TCF7L2: variants seen among roughly 807,000 people sequenced by gnomAD.
The protein encoded by TCF7L2 is transcription factor 7-like 2.
TCF7L2 carries 23 observed loss-of-function variants against 77.9 expected under a neutral mutation model. The observed-to-expected ratio is 0.30, with a 90% CI of 0.21 to 0.42. The LOEUF (loss-of-function observed/expected upper bound fraction) is 0.42. TCF7L2 is among the 10% of genes least tolerant of loss of function. The pLI, the probability that TCF7L2 is intolerant of heterozygous loss-of-function variation, is 1.00. For missense variants in TCF7L2, 654 were observed against 793.1 expected, an observed-to-expected ratio of 0.82 and a Z score of 2.11; for synonymous variants, 413 against 340.2, an observed-to-expected ratio of 1.21 and a Z score of -2.36.
intron 4 of TCF7L2, among the ~76,000 whole-genome samples, chr10:113,032,191 A>G (rs1329468634): frequency 1.3e-5 from 2 of 152,176 alleles, no homozygotes; most frequent in African/African-American, 4.8e-5. Flanking sequence ...TAAGGGGCCC[A>G]TTGGTTGTGA....
intron 4 of TCF7L2, among the ~76,000 whole-genome samples, chr10:113,030,517 G>C (rs990262589): frequency 4.6e-5 from 7 of 152,220 alleles, no homozygotes; most frequent in African/African-American, 1.7e-4. Flanking sequence ...TTTATAAGAA[G>C]CAGTAATTAG....
At chr10:112,955,948 C>T (rs1021083552) in intron 3 of TCF7L2, among the ~76,000 whole-genome samples, 1 of 151,104 alleles carries the variant, frequency 6.6e-6, no homozygotes, top group East Asian at 2.0e-4. Flanking sequence ...TCCTTACATC[C>T]CACGAGGTGC....
At chr10:113,147,230 C>T (rs1034629787) in intron 8 of TCF7L2, among the ~76,000 whole-genome samples, 1 of 152,198 alleles carries the variant, frequency 6.6e-6, no homozygotes, top group Admixed American at 6.5e-5. Flanking sequence ...GCATGCGTTA[C>T]ATGGCAGGGG....
chr10:113,077,858 CTTATTTATTTATTTATTTATTTATTTAT>C (rs35452927), intron 5 of TCF7L2, among the ~76,000 whole-genome samples: 52 of 133,886 alleles, frequency 3.9e-4, no homozygotes, highest in African/African-American at 1.4e-3. Context: ...GCCTGGCTTG[CTTATTTATTTATTTATTTATTTATTTAT>C]TTATTTATTT....
At chr10:113,093,884 A>T (rs2060651668) in intron 5 of TCF7L2, among the ~76,000 whole-genome samples, 1 of 152,206 alleles carries the variant, frequency 6.6e-6, no homozygotes, top group Non-Finnish European at 1.5e-5. Flanking sequence ...TCACGGAAAT[A>T]CTTGCAAACA....
chr10:112,996,241 C>T (rs749037082), intron 4 of TCF7L2, among the ~76,000 whole-genome samples: 38 of 152,054 alleles, frequency 2.5e-4, no homozygotes, highest in Admixed American at 1.1e-3. Context: ...AAATGACTCT[C>T]GGAGGAGGAT....
At chr10:113,131,470 A>G (rs2066592555) in intron 5 of TCF7L2, among the ~76,000 whole-genome samples, 1 of 152,190 alleles carries the variant, frequency 6.6e-6, no homozygotes, top group South Asian at 2.1e-4. Flanking sequence ...GTTACTGCAA[A>G]TATCACACCC....
intron 5 of TCF7L2, among the ~76,000 whole-genome samples, chr10:113,060,553 C>T (rs1482858676): frequency 6.6e-6 from 1 of 152,092 alleles, no homozygotes; most frequent in Non-Finnish European, 1.5e-5. Context: ...TTCAGGCTTT[C>T]TCTCCAAGCG....
chr10:112,963,689 A>G (rs763448130), intron 3 of TCF7L2, among the ~76,000 whole-genome samples: 1 of 152,198 alleles, frequency 6.6e-6, no homozygotes, highest in Non-Finnish European at 1.5e-5. Context: ...CAAGATTAGC[A>G]AGTATTACTT....
At chr10:112,986,526 T>C (rs1321337377) in intron 4 of TCF7L2, among the ~76,000 whole-genome samples, 1 of 152,180 alleles carries the variant, frequency 6.6e-6, no homozygotes, top group Non-Finnish European at 1.5e-5. Context: ...CATTCTCAAG[T>C]GAGTCAATCT....
intron 5 of TCF7L2, among the ~76,000 whole-genome samples, chr10:113,132,643 C>A (rs935801671): frequency 6.6e-6 from 1 of 152,138 alleles, no homozygotes; most frequent in African/African-American, 2.4e-5. Flanking sequence ...ATTTCTGGCT[C>A]GATTTTGAAG....
chr10:113,124,795 T>C (rs1298228415), intron 5 of TCF7L2, among the ~76,000 whole-genome samples: 1 of 151,916 alleles, frequency 6.6e-6, no homozygotes, highest in Non-Finnish European at 1.5e-5. Flanking sequence ...GCGCAGTTCG[T>C]TAAGCTTCTG....
chr10:112,955,887 A>G (rs969557996), intron 3 of TCF7L2, among the ~76,000 whole-genome samples: 1 of 152,094 alleles, frequency 6.6e-6, no homozygotes, highest in Non-Finnish European at 1.5e-5. Flanking sequence ...GTTGCACCAG[A>G]GGCTGTGCTT....
chr10:113,091,824 G>A (rs1460326700), intron 5 of TCF7L2, among the ~76,000 whole-genome samples: 1 of 152,220 alleles, frequency 6.6e-6, no homozygotes, highest in Non-Finnish European at 1.5e-5. Context: ...TGGAGCTGCT[G>A]TCTGTGTGTT....
chr10:112,962,046 T>C (rs918045899), intron 3 of TCF7L2, among the ~76,000 whole-genome samples: 1 of 152,168 alleles, frequency 6.6e-6, no homozygotes, highest in Admixed American at 6.5e-5. Context: ...GTTATTTGGG[T>C]GATGATGAAG....
intron 12 of TCF7L2, among the ~76,000 whole-genome samples, chr10:113,159,525 A>AG (rs1288199430): frequency 6.6e-6 from 1 of 152,082 alleles, no homozygotes; most frequent in African/African-American, 2.4e-5. Flanking sequence ...TTCTTCTTTA[A>AG]GAAAAAAAAT....
intron 5 of TCF7L2, among the ~76,000 whole-genome samples, chr10:113,122,456 A>G (rs1458732437): frequency 6.6e-6 from 1 of 152,232 alleles, no homozygotes; most frequent in Non-Finnish European, 1.5e-5. Flanking sequence ...GTGTATTTAC[A>G]TTTTTCATGT....
At chr10:113,029,580 G>A (rs142082423) in intron 4 of TCF7L2, among the ~76,000 whole-genome samples, 10 of 145,674 alleles carry the variant, frequency 6.9e-5, no homozygotes, top group Admixed American at 4.9e-4. Flanking sequence ...AGGCTTGAGT[G>A]CAATGGCGTG....
intron 4 of TCF7L2, among the ~76,000 whole-genome samples, chr10:112,986,196 C>T (rs1392583051): frequency 1.3e-5 from 2 of 151,852 alleles, no homozygotes; most frequent in African/African-American, 2.4e-5. Context: ...CTTGGGAAAG[C>T]AACATGAAAA....
Sources: gnomAD v4.1 joint callset for allele counts (sites outside exome capture counted in the v4.1 genomes callset) on GRCh38, gnomAD v4.1.1 for gene constraint, MANE v1.5 for transcripts, NCBI Gene and HGNC (gene_info 2026-07-23, HGNC 2026-07-21) for gene names.